Variants in APPBP2 observed in about 807,000 individuals in gnomAD.
The protein encoded by APPBP2 is amyloid beta precursor protein binding protein 2.
A neutral mutation model predicts 76.0 loss-of-function variants in APPBP2; 15 were observed. That is an observed-to-expected ratio of 0.20 (90% confidence interval 0.13 to 0.30). The LOEUF (loss-of-function observed/expected upper bound fraction) is 0.30, where lower values mean the gene tolerates loss of function less well. APPBP2 is among the 10% of genes least tolerant of loss of function. The pLI is 1.00. For synonymous variants in APPBP2, 222 were observed against 242.2 expected, an observed-to-expected ratio of 0.92 and a Z score of 0.77; for missense variants, 401 against 687.2, an observed-to-expected ratio of 0.58 and a Z score of 4.66.
chr17:60,460,818 C>A, intron 8 of APPBP2, 31 bp from the exon 9 acceptor site: 1 of 1,601,662 alleles, frequency 6.2e-7, no homozygotes, highest in Non-Finnish European at 8.5e-7. Flanking sequence ...TTTGTCAATA[C>A]TGTAGAAAAT....
At chr17:60,478,817 G>A (rs1308961058) in intron 4 of APPBP2, among the ~76,000 whole-genome samples, 1 of 152,186 alleles carries the variant, frequency 6.6e-6, no homozygotes, top group Non-Finnish European at 1.5e-5. Flanking sequence ...GGCTGAGACA[G>A]GAGAATCACT....
intron 2 of APPBP2, among the ~76,000 whole-genome samples, chr17:60,496,778 C>T (rs1253314090): frequency 6.6e-6 from 1 of 151,902 alleles, no homozygotes; most frequent in Non-Finnish European, 1.5e-5. Flanking sequence ...TGGAGTGCAG[C>T]GGTGTGATGT....
At chr17:60,481,510 A>G (rs1285967546) in intron 3 of APPBP2, among the ~76,000 whole-genome samples, 3 of 152,218 alleles carry the variant, frequency 2.0e-5, no homozygotes, top group African/African-American at 4.8e-5. Flanking sequence ...TACTTCATCC[A>G]CATCTTGTTG....
At chr17:60,458,637 A>G (rs2090450489) in intron 9 of APPBP2, among the ~76,000 whole-genome samples, 1 of 152,214 alleles carries the variant, frequency 6.6e-6, no homozygotes, top group Admixed American at 6.5e-5. Context: ...TAGAAAACAC[A>G]TGAATGAATG....
At chr17:60,484,400 T>C (rs556558391) in intron 3 of APPBP2, among the ~76,000 whole-genome samples, 8 of 152,190 alleles carry the variant, frequency 5.3e-5, no homozygotes, top group African/African-American at 7.2e-5. Flanking sequence ...CTCTTTTATT[T>C]TGTTGAGCAG....
At chr17:60,473,297 T>C (rs2090566656) in intron 4 of APPBP2, among the ~76,000 whole-genome samples, 1 of 152,170 alleles carries the variant, frequency 6.6e-6, no homozygotes, top group African/African-American at 2.4e-5. Context: ...TGATAATGTT[T>C]AAACTAAATA....
chr17:60,451,262 T>C (rs1232412759), intron 12 of APPBP2, among the ~76,000 whole-genome samples: 1 of 152,066 alleles, frequency 6.6e-6, no homozygotes, highest in African/African-American at 2.4e-5. Flanking sequence ...GGGGGAGGAA[T>C]GAGTGGGCAG....
chr17:60,461,712 T>C lies in APPBP2; in HGVS notation c.936+98A>G, dbSNP rs1172108433. 6 of 833,100 alleles carry C rather than the reference T, an allele frequency of 7.2e-6. No homozygotes were observed. The East Asian group carries it at 1.5e-4, about 21-fold the overall frequency. The allele number at this position is 833,100 out of a possible 1,614,324, so 51.6% of individuals were successfully genotyped here. ...CCTATATTGGTGGGCGGGGTAGTTG[T>C]CAAAAAGTCATTTTTAGAGTGGTTT... On this transcript the variant is annotated intron_variant, in intron 8 of 12. Coordinates refer to ENST00000083182, the MANE Select transcript of APPBP2 (RefSeq NM_006380.5).
intron 12 of APPBP2, among the ~76,000 whole-genome samples, chr17:60,448,974 A>T (rs1053090089): frequency 7.9e-5 from 12 of 152,220 alleles, no homozygotes; most frequent in Admixed American, 7.9e-4. Flanking sequence ...ATGGGGCAAC[A>T]ATTTAACATG....
chr17:60,521,181 G>A (rs1176269162), intron 1 of APPBP2, among the ~76,000 whole-genome samples: 1 of 152,116 alleles, frequency 6.6e-6, no homozygotes, highest in Non-Finnish European at 1.5e-5. Context: ...CAGAATCCAA[G>A]CATTATGATC....
chr17:60,486,594 T>C (rs539173900), intron 3 of APPBP2, among the ~76,000 whole-genome samples: 2 of 152,304 alleles, frequency 1.3e-5, no homozygotes, highest in African/African-American at 2.4e-5. Flanking sequence ...TGTCTCTGCA[T>C]GTGAGATGGG....
intron 1 of APPBP2, among the ~76,000 whole-genome samples, chr17:60,507,619 T>A (rs1175632192): frequency 2.6e-5 from 4 of 152,208 alleles, no homozygotes; most frequent in Admixed American, 2.0e-4. Flanking sequence ...CAAGACACAG[T>A]CTCTACTCTG....
chr17:60,493,801 G>A (rs1346893151), intron 3 of APPBP2, among the ~76,000 whole-genome samples: 1 of 150,826 alleles, frequency 6.6e-6, no homozygotes, highest in East Asian at 2.0e-4. Flanking sequence ...CACCACACTC[G>A]GCTAATTTTT....
At chr17:60,518,574 G>A (rs2090983778) in intron 1 of APPBP2, among the ~76,000 whole-genome samples, 1 of 152,038 alleles carries the variant, frequency 6.6e-6, no homozygotes, top group Non-Finnish European at 1.5e-5. Context: ...AGAGTGCAGT[G>A]TCATGATAAC....
intron 4 of APPBP2, among the ~76,000 whole-genome samples, chr17:60,472,110 A>G (rs890736648): frequency 2.6e-5 from 4 of 152,226 alleles, no homozygotes; most frequent in Non-Finnish European, 4.4e-5. Flanking sequence ...TGGGCAAAAG[A>G]GTAAGACTCT....
At chr17:60,476,191 G>T in intron 4 of APPBP2, among the ~76,000 whole-genome samples, 1 of 152,158 alleles carries the variant, frequency 6.6e-6, no homozygotes, top group Admixed American at 6.5e-5. Context: ...CTGAAAAATG[G>T]TACCAGTTTT....
chr17:60,494,003 C>T (rs1473047712), intron 3 of APPBP2, among the ~76,000 whole-genome samples: 1 of 152,132 alleles, frequency 6.6e-6, no homozygotes. Context: ...CTCATAACAT[C>T]CACATGAGGA....
At position 60,456,390 on chromosome 17, in the gene APPBP2, C is replaced by G. The variant is rs750116610; in HGVS notation, c.1062-9G>C. ...CTCTTTCTGCATGAAATCTGTAATA[C>G]AGATAGATACAGTCTGGCATTTCTT... On this transcript the variant is annotated splice_polypyrimidine_tract_variant and intron_variant, in intron 9 of 12. Transcript: ENST00000083182. 1 of 1,504,902 alleles carries G rather than the reference C, an allele frequency of 6.6e-7. No homozygotes were observed. Among genetic ancestry groups the G allele is most frequent in the Non-Finnish European group, 9.2e-7 (1 of 1,082,048 alleles). 93.2% of individuals were successfully genotyped at this position (1,504,902 alleles called of 1,614,324 possible). A position where few individuals can be genotyped will look rare whatever the true frequency, so the allele number is the denominator to read the frequency against.
chr17:60,473,246 C>G (rs2090566338), intron 4 of APPBP2, among the ~76,000 whole-genome samples: 1 of 152,182 alleles, frequency 6.6e-6, no homozygotes, highest in Non-Finnish European at 1.5e-5. Context: ...TTCTATCACA[C>G]TTTTCTATTA....
Sources: gnomAD v4.1 joint callset for allele counts (sites outside exome capture counted in the v4.1 genomes callset) on GRCh38, gnomAD v4.1.1 for gene constraint, MANE v1.5 for transcripts, NCBI Gene and HGNC (gene_info 2026-07-23, HGNC 2026-07-21) for gene names.